Variants in PGAP1 observed in about 807,000 individuals in gnomAD.
The protein encoded by PGAP1 is post-GPI attachment to proteins inositol deacylase 1.
A neutral mutation model predicts 127.0 loss-of-function variants in PGAP1; 76 were observed. The ratio of observed to expected loss-of-function variants is 0.60; its 90% CI spans 0.50 to 0.72. The LOEUF is 0.72. PGAP1 is among the 30% of genes least tolerant of loss of function. The probability of loss-of-function intolerance (pLI) is 0.00; values close to 1 mark genes in which losing one functional copy is unlikely to be tolerated. For missense variants in PGAP1, 982 were observed against 1,071.3 expected (o/e 0.92, Z 1.16); for synonymous variants, 362 against 366.5 (o/e 0.99, Z 0.14).
rs960226697 is a variant in PGAP1, at chr2:196,869,998, C to T, written c.1767+943G>A. ...TTGACTGAATATTAAAACTATATAA[C>T]TTCCCTAACTAATCAATTGTTATCT... On this transcript the variant is annotated intron_variant, in intron 19 of 26. Coordinates refer to ENST00000354764, the MANE Select transcript of PGAP1 (RefSeq NM_024989.4). 5.3e-5 allele frequency among the ~76,000 whole-genome samples: 8 copies of T among 152,276 alleles called. No individual in the cohort carries two copies. The East Asian group carries it at 9.6e-4, about 18-fold the overall frequency.
At chr2:196,900,315 A>G (rs1423678954) in intron 5 of PGAP1, among the ~76,000 whole-genome samples, 1 of 152,222 alleles carries the variant, frequency 6.6e-6, no homozygotes, top group African/African-American at 2.4e-5. Context: ...ATTGTGCTTA[A>G]GTGTCATTAT....
At chr2:196,894,840 G>A (rs1198275074) in intron 7 of PGAP1, among the ~76,000 whole-genome samples, 5 of 152,022 alleles carry the variant, frequency 3.3e-5, no homozygotes, top group Non-Finnish European at 1.5e-5. Context: ...AAAACTTTAA[G>A]ACTGGATTCC....
chr2:196,841,656 T>C (rs950894456), intron 26 of PGAP1, among the ~76,000 whole-genome samples: 1 of 152,208 alleles, frequency 6.6e-6, no homozygotes, highest in Non-Finnish European at 1.5e-5. Context: ...TAGCTGGGAC[T>C]ACAGGCGCCC....
At chr2:196,921,188 TAAA>T (rs34282392) in intron 1 of PGAP1, among the ~76,000 whole-genome samples, 3 of 144,472 alleles carry the variant, frequency 2.1e-5, no homozygotes. Context: ...CTCGTTGTTC[TAAA>T]AAAAAAAAAA....
At chr2:196,890,317 T>G (rs932406807) in intron 10 of PGAP1, among the ~76,000 whole-genome samples, 1 of 152,118 alleles carries the variant, frequency 6.6e-6, no homozygotes, top group South Asian at 2.1e-4. Context: ...ACATAGTAGG[T>G]ACTCATTAAA....
chr2:196,867,547 C>T (rs1701281630), intron 19 of PGAP1, among the ~76,000 whole-genome samples: 1 of 152,130 alleles, frequency 6.6e-6, no homozygotes, highest in Admixed American at 6.5e-5. Context: ...ATGGGTGCAG[C>T]AAACCAACAC....
intron 5 of PGAP1, among the ~76,000 whole-genome samples, chr2:196,902,027 TG>T (rs1271311064): frequency 3.3e-5 from 5 of 152,188 alleles, no homozygotes; most frequent in African/African-American, 1.2e-4. Flanking sequence ...TACTTTTTTT[TG>T]TTTGTTTTTG....
At chr2:196,905,113 T>C (rs1163115164) in intron 4 of PGAP1, among the ~76,000 whole-genome samples, 1 of 152,202 alleles carries the variant, frequency 6.6e-6, no homozygotes, top group Non-Finnish European at 1.5e-5. Flanking sequence ...CTGAGCCTTA[T>C]AGAGACAGAA....
intron 7 of PGAP1, 31 bp from the exon 8 acceptor site, chr2:196,893,276 T>C (rs749263546): frequency 1.7e-6 from 2 of 1,178,066 alleles, no homozygotes; most frequent in South Asian, 2.6e-5. Flanking sequence ...TTCTGTATCA[T>C]TTTGTATCTA....
intron 10 of PGAP1, among the ~76,000 whole-genome samples, chr2:196,888,947 G>T (rs1702007644): frequency 6.6e-6 from 1 of 152,100 alleles, no homozygotes; most frequent in East Asian, 1.9e-4. Flanking sequence ...ACAGAGTATT[G>T]ATAACTGTTA....
intron 11 of PGAP1, 63 bp from the exon 12 acceptor site, chr2:196,885,538 A>C: frequency 8.2e-7 from 1 of 1,226,654 alleles, no homozygotes; most frequent in Non-Finnish European, 1.2e-6. Context: ...CAAATTATAA[A>C]TAAGATTCAG....
At chr2:196,922,561 AAC>A (rs887229119) in intron 1 of PGAP1, 1,623 of 884,356 alleles carry the variant, frequency 1.8e-3, no homozygotes, top group South Asian at 2.9e-3. Flanking sequence ...TCATACTGCT[AAC>A]ACACACACAC....
intron 4 of PGAP1, among the ~76,000 whole-genome samples, chr2:196,906,007 G>A (rs1032511890): frequency 9.3e-5 from 7 of 75,004 alleles, no homozygotes; most frequent in Admixed American, 4.6e-4. Flanking sequence ...ACTGCAAGGC[G>A]GCAACGAGGC....
chr2:196,912,027 C>A (rs1187224598), intron 4 of PGAP1, among the ~76,000 whole-genome samples: 1 of 152,104 alleles, frequency 6.6e-6, no homozygotes, highest in Non-Finnish European at 1.5e-5. Context: ...TGACTCTGGG[C>A]AAGAACGTTA....
chr2:196,905,436 C>T lies in PGAP1; in HGVS notation c.650-2694G>A, dbSNP rs114666238. 1.1e-4 allele frequency among the ~76,000 whole-genome samples: 17 copies of T among 152,024 alleles called. No individual in the cohort carries two copies. The East Asian group carries it at 1.2e-3, about 10-fold the overall frequency. On this transcript the variant is annotated intron_variant, in intron 4 of 26. Coordinates refer to ENST00000354764, the MANE Select transcript of PGAP1 (RefSeq NM_024989.4). ...GTTTTAAATGTACCAACAGAAAAAC[C>T]GGGCCTCATAATAATTACTGTTGCA...
intron 2 of PGAP1, among the ~76,000 whole-genome samples, chr2:196,917,396 T>C (rs1703050321): frequency 1.3e-5 from 2 of 152,344 alleles, no homozygotes; most frequent in East Asian, 3.9e-4. Context: ...GTTTTTAGTA[T>C]ATTCACCATC....
At chr2:196,884,156 T>A (rs578167747) in intron 12 of PGAP1, among the ~76,000 whole-genome samples, 3 of 152,312 alleles carry the variant, frequency 2.0e-5, no homozygotes, top group African/African-American at 7.2e-5. Flanking sequence ...ATAATTTATT[T>A]CTTCTTAATC....
intron 12 of PGAP1, among the ~76,000 whole-genome samples, chr2:196,883,775 A>G (rs898579409): frequency 6.6e-6 from 1 of 152,200 alleles, no homozygotes; most frequent in African/African-American, 2.4e-5. Context: ...CATCCCTTCA[A>G]TTTCAAAGCA....
At chr2:196,843,785 T>A in intron 25 of PGAP1, 103 bp downstream of exon 25, 2 of 628,776 alleles carry the variant, frequency 3.2e-6, no homozygotes, top group Non-Finnish European at 4.7e-6. Flanking sequence ...TAGCTTCCTG[T>A]TCCTGAGGAA....
Sources: allele counts gnomAD v4.1 joint callset (sites outside exome capture counted in the v4.1 genomes callset), GRCh38; gene constraint gnomAD v4.1.1; transcripts MANE v1.5; gene names NCBI Gene and HGNC (gene_info 2026-07-23, HGNC 2026-07-21).